CHCHD3: variants seen among roughly 807,000 people sequenced by gnomAD.
CHCHD3 encodes coiled-coil-helix-coiled-coil-helix domain containing 3.
A neutral mutation model predicts 38.2 loss-of-function variants in CHCHD3; 20 were observed. That is an observed-to-expected ratio of 0.52 (90% CI 0.37 to 0.76). The LOEUF (loss-of-function observed/expected upper bound fraction) is 0.76. CHCHD3 is among the 30% of genes least tolerant of loss of function. The pLI, the probability that CHCHD3 is intolerant of heterozygous loss-of-function variation, is 0.00. For synonymous variants in CHCHD3, 82 were observed against 100.0 expected, an observed-to-expected ratio of 0.82 and a Z score of 1.07; for missense variants, 245 against 279.2, an observed-to-expected ratio of 0.88 and a Z score of 0.87.
At chr7:132,908,661 G>A (rs1403737687) in intron 4 of CHCHD3, among the ~76,000 whole-genome samples, 1 of 152,074 alleles carries the variant, frequency 6.6e-6, no homozygotes. Context: ...TGTAAGTACT[G>A]GGTCCAGGCC....
intron 5 of CHCHD3, chr7:132,845,171 T>C (rs982480757): frequency 2.0e-5 from 3 of 152,200 alleles, no homozygotes; most frequent in African/African-American, 7.2e-5. Context: ...AACAGTTACT[T>C]TTCCTCTGTA....
intron 6 of CHCHD3, among the ~76,000 whole-genome samples, chr7:132,829,351 CAG>C (rs1291409346): frequency 2.6e-5 from 4 of 152,056 alleles, no homozygotes; most frequent in African/African-American, 9.7e-5. Flanking sequence ...ATCTAACTAA[CAG>C]TGTGCAATTA....
chr7:132,923,216 T>C (rs1200977464), intron 4 of CHCHD3, among the ~76,000 whole-genome samples: 3 of 152,232 alleles, frequency 2.0e-5, no homozygotes, highest in Non-Finnish European at 4.4e-5. Context: ...GCCCTTCTAA[T>C]AATTTTTTAA....
chr7:132,821,747 CTTTTTTTTT>C lies in CHCHD3; in HGVS notation c.524+16643_524+16651del, dbSNP rs71178063. On this transcript the variant is annotated intron_variant, in intron 6 of 7. Transcript: ENST00000262570. ...GTGGCCAAAAGCTTAGCACTCAAAT[CTTTTTTTTT>C]TTTTTTTTTTTTTTTTTGAGACGGA... Among the ~76,000 whole-genome samples the C allele has an allele frequency of 9.3e-4, 93 of 100,246 alleles. 2 individuals carry two copies. In the South Asian group the frequency reaches 0.014, roughly 15 times the overall value. The allele number at this position is 100,246 out of a possible 152,430, so 65.8% of individuals were successfully genotyped here.
At chr7:132,799,692 C>G (rs779380264) in intron 6 of CHCHD3, among the ~76,000 whole-genome samples, 1 of 152,038 alleles carries the variant, frequency 6.6e-6, no homozygotes, top group Non-Finnish European at 1.5e-5. Flanking sequence ...AAGAAGAAAT[C>G]GGTGGAATAG....
intron 6 of CHCHD3, among the ~76,000 whole-genome samples, chr7:132,806,768 C>T (rs1286610283): frequency 6.6e-6 from 1 of 151,936 alleles, no homozygotes; most frequent in Non-Finnish European, 1.5e-5. Context: ...AGGACACATT[C>T]TGCAAGCAGA....
intron 1 of CHCHD3, among the ~76,000 whole-genome samples, chr7:133,080,796 G>A (rs1421336519): frequency 6.6e-6 from 1 of 152,050 alleles, no homozygotes; most frequent in African/African-American, 2.4e-5. Context: ...AGTTTCAGAA[G>A]AAAAAGTTTT....
intron 4 of CHCHD3, among the ~76,000 whole-genome samples, chr7:132,926,826 T>C (rs1810390668): frequency 6.6e-6 from 1 of 152,190 alleles, no homozygotes; most frequent in Non-Finnish European, 1.5e-5. Context: ...TGTGTATTTT[T>C]TGTTGTTGTA....
chr7:132,786,350 G>A (rs148268014), intron 7 of CHCHD3, among the ~76,000 whole-genome samples: 6 of 152,174 alleles, frequency 3.9e-5, no homozygotes, highest in Non-Finnish European at 7.4e-5. Context: ...CTTCCCAGAG[G>A]GGGAGAACGC....
At chr7:132,817,618 G>A (rs1807233162) in intron 6 of CHCHD3, among the ~76,000 whole-genome samples, 1 of 152,094 alleles carries the variant, frequency 6.6e-6, no homozygotes, top group African/African-American at 2.4e-5. Flanking sequence ...CTCCCCTGAG[G>A]CAAAGCCAAC....
At chr7:132,985,445 C>T (rs1277005599) in intron 3 of CHCHD3, among the ~76,000 whole-genome samples, 23 of 62,222 alleles carry the variant, frequency 3.7e-4, no homozygotes, top group East Asian at 5.7e-4. Flanking sequence ...CCCGGCCGCC[C>T]CTACTGGGAA....
At chr7:132,928,393 T>G (rs949176387) in intron 4 of CHCHD3, among the ~76,000 whole-genome samples, 2 of 152,132 alleles carry the variant, frequency 1.3e-5, no homozygotes, top group African/African-American at 4.8e-5. Context: ...TGTCTTAGCC[T>G]CCTACTCTAA....
intron 4 of CHCHD3, among the ~76,000 whole-genome samples, chr7:132,893,901 C>T (rs563056398): frequency 1.3e-5 from 2 of 152,290 alleles, no homozygotes; most frequent in Non-Finnish European, 1.5e-5. Flanking sequence ...AACCTCTTTC[C>T]TTTATAAACT....
At chr7:132,850,956 C>A (rs1347309400) in intron 5 of CHCHD3, among the ~76,000 whole-genome samples, 2 of 152,040 alleles carry the variant, frequency 1.3e-5, no homozygotes, top group Non-Finnish European at 2.9e-5. Context: ...CTTTAAATTT[C>A]TCTAGCTATT....
intron 5 of CHCHD3, among the ~76,000 whole-genome samples, chr7:132,873,474 C>T (rs1270950737): frequency 1.4e-5 from 2 of 148,024 alleles, no homozygotes; most frequent in South Asian, 2.2e-4. Flanking sequence ...AGTGCAGTGG[C>T]GCAATCTCGG....
chr7:132,884,072 T>C (rs948444194), intron 5 of CHCHD3, among the ~76,000 whole-genome samples: 1 of 152,150 alleles, frequency 6.6e-6, no homozygotes, highest in Non-Finnish European at 1.5e-5. Flanking sequence ...CAGTCATCCC[T>C]TTTCCGAATT....
chr7:132,915,591 C>T (rs1810082477), intron 4 of CHCHD3, among the ~76,000 whole-genome samples: 1 of 152,178 alleles, frequency 6.6e-6, no homozygotes. Context: ...TGAGCTAAAA[C>T]ATATGTGAAT....
chr7:132,932,385 T>A (rs1810534835), intron 4 of CHCHD3, among the ~76,000 whole-genome samples: 1 of 152,152 alleles, frequency 6.6e-6, no homozygotes, highest in South Asian at 2.1e-4. Flanking sequence ...CAGAAAAGAA[T>A]CAAGACAGTG....
rs151146118 is a variant in CHCHD3 at position 132,799,302 on chromosome 7, T to C, written c.525-2725A>G. Among the ~76,000 whole-genome samples, 217 of 152,312 alleles carry C rather than the reference T, an allele frequency of 1.4e-3. 2 individuals are homozygous for C. Among genetic ancestry groups the C allele is most frequent in the African/African-American group, 5.0e-3 (209 of 41,566 alleles). ...GCTAAATGAGATTGCTGTCTAACAT[T>C]AGAAGGCCATAAAACACAAGCCATG... On this transcript the variant is annotated intron_variant, in intron 6 of 7. Coordinates refer to ENST00000262570, the MANE Select transcript of CHCHD3 (RefSeq NM_017812.4).
Sources: gnomAD v4.1 joint callset for allele counts (sites outside exome capture counted in the v4.1 genomes callset) on GRCh38, gnomAD v4.1.1 for gene constraint, MANE v1.5 for transcripts, NCBI Gene and HGNC (gene_info 2026-07-23, HGNC 2026-07-21) for gene names.